The following CFAP54 variants were observed in gnomAD, a reference collection of about 807,000 sequenced individuals.
CFAP54 encodes cilia and flagella associated protein 54.
CFAP54 carries 290 observed loss-of-function variants against 370.4 expected under a neutral mutation model. That is an observed-to-expected ratio of 0.78 (90% CI 0.71 to 0.86). The LOEUF is 0.86. Among genes scored for constraint, CFAP54 ranks in the 40% least tolerant of loss-of-function variants. CFAP54 has a pLI of 0.00. For missense variants in CFAP54, 3,399 were observed against 3,528.7 expected (o/e 0.96, Z 0.93); for synonymous variants, 1,206 against 1,236.5 (o/e 0.98, Z 0.52).
In CFAP54 at chr12:96,632,697, G is replaced by T. The variant is rs11615366; in HGVS notation, c.4316+2046G>T. Among the ~76,000 whole-genome samples, 875 of 151,974 alleles carry T rather than the reference G, an allele frequency of 5.8e-3. 4 individuals carry two copies. The highest frequency in any genetic ancestry group is 0.02 in the Middle Eastern group (6 of 294). ...TTTCTCCAGAATATTCTTTTCCTTC[G>T]TGCAAGTCTTGGGAGTCTTGGGTAT... On this transcript the variant is annotated intron_variant, in intron 32 of 67. Coordinates refer to ENST00000524981, the MANE Select transcript of CFAP54 (RefSeq NM_001306084.2).
At chr12:96,500,297 G>A (rs1442822666) in intron 1 of CFAP54, among the ~76,000 whole-genome samples, 1 of 152,172 alleles carries the variant, frequency 6.6e-6, no homozygotes, top group East Asian at 1.9e-4. Context: ...GAGATTAAGC[G>A]GGAAAGGAGG....
chr12:96,829,844 A>T (rs1229820613), intron 66 of CFAP54, among the ~76,000 whole-genome samples: 2 of 152,048 alleles, frequency 1.3e-5, no homozygotes, highest in Non-Finnish European at 2.9e-5. Context: ...CCAAATAGAA[A>T]CTTTATATCC....
Position 96,694,234 on chromosome 12 carries a change from C to CA in CFAP54, c.6351+432dup, listed in dbSNP as rs1294046400. ...ACAAGATCAGATAGATGCTAAATTA[C>CA]AAAAAATCTTATAATCCAGAAGTCA... On this transcript the variant is annotated intron_variant, in intron 45 of 67. Transcript: ENST00000524981. Among the ~76,000 whole-genome samples, 4 of 152,232 alleles carry CA rather than the reference C, an allele frequency of 2.6e-5. 1 individual carries two copies. The highest frequency in any genetic ancestry group is 6.8e-3 in the Middle Eastern group (2 of 294).
chr12:96,832,932 G>A (rs1311265151), intron 66 of CFAP54, among the ~76,000 whole-genome samples: 1 of 152,192 alleles, frequency 6.6e-6, no homozygotes, highest in East Asian at 1.9e-4. Flanking sequence ...GAAATTACAT[G>A]CCTTCATGGA....
chr12:96,851,559 C>G (rs994495489), intron 66 of CFAP54, among the ~76,000 whole-genome samples: 1 of 151,842 alleles, frequency 6.6e-6, no homozygotes, highest in Non-Finnish European at 1.5e-5. Flanking sequence ...CAAACCCAAG[C>G]GTTTTTAGAA....
At chr12:96,585,844 G>T (rs546837799) in intron 22 of CFAP54, among the ~76,000 whole-genome samples, 11 of 152,120 alleles carry the variant, frequency 7.2e-5, no homozygotes, top group Admixed American at 3.9e-4. Flanking sequence ...TCATGTGCCT[G>T]CCAAGCTTTC....
At chr12:96,826,825 T>C (rs1216066923) in intron 65 of CFAP54, among the ~76,000 whole-genome samples, 1 of 113,758 alleles carries the variant, frequency 8.8e-6, no homozygotes, top group Non-Finnish European at 1.6e-5. Context: ...ATTAATATAT[T>C]ATATAATATA....
rs192474693 is a variant in CFAP54, at chr12:96,734,842, A to G, written c.6966-5114A>G. On this transcript the variant is annotated intron_variant, in intron 50 of 67. Coordinates refer to ENST00000524981, the MANE Select transcript of CFAP54 (RefSeq NM_001306084.2). ...ATATTTTAATTTTTATAAGTACAAT[A>G]ACAACAAAAACCATTACACCAACCA... Among the ~76,000 whole-genome samples, 230 of 152,328 alleles carry G rather than the reference A, an allele frequency of 1.5e-3. 1 individual carries two copies. In the Middle Eastern group the frequency reaches 0.017, roughly 11 times the overall value.
At chr12:96,557,126 T>G (rs1227955929) in intron 17 of CFAP54, among the ~76,000 whole-genome samples, 1 of 148,752 alleles carries the variant, frequency 6.7e-6, no homozygotes, top group Non-Finnish European at 1.5e-5. Context: ...GGAGAACTTG[T>G]TTCCTTGTCT....
intron 29 of CFAP54, among the ~76,000 whole-genome samples, chr12:96,626,366 A>G (rs907910968): frequency 3.3e-5 from 5 of 151,844 alleles, no homozygotes; most frequent in East Asian, 3.9e-4. Context: ...AGCCTGGGCG[A>G]CAGAGTGAGA....
At chr12:96,740,714 T>C (rs551169321) in intron 51 of CFAP54, among the ~76,000 whole-genome samples, 9 of 152,314 alleles carry the variant, frequency 5.9e-5, no homozygotes, top group African/African-American at 2.2e-4. Context: ...CTTACTATAT[T>C]GAAAGCAATA....
intron 1 of CFAP54, among the ~76,000 whole-genome samples, chr12:96,494,788 G>A (rs761941055): frequency 1.1e-4 from 16 of 151,732 alleles, no homozygotes; most frequent in Middle Eastern, 3.4e-3. Context: ...GTGCAATGAC[G>A]CAATCTCGGC....
chr12:96,766,863 C>T (rs1270743605), intron 60 of CFAP54, among the ~76,000 whole-genome samples: 2 of 152,180 alleles, frequency 1.3e-5, no homozygotes, highest in African/African-American at 4.8e-5. Flanking sequence ...CCCTAAAACT[C>T]AGTGGCCTAC....
chr12:96,791,843 T>C (rs1592763832), intron 62 of CFAP54, among the ~76,000 whole-genome samples: 1 of 150,786 alleles, frequency 6.6e-6, no homozygotes, highest in Non-Finnish European at 1.5e-5. Context: ...TCTGAAGCAT[T>C]TTTTTTTCTT....
rs192547605 is a variant in CFAP54 at position 96,789,285 on chromosome 12, A to G, written c.8679+2387A>G. ...TTCAGCAATCGAGTAACACTCCCCC[A>G]TGGGAAGGAGTGAGTGAGGACGTGA... On this transcript the variant is annotated intron_variant, in intron 62 of 67. Transcript: ENST00000524981. 4.0e-3 allele frequency among the ~76,000 whole-genome samples: 607 copies of G among 152,296 alleles called. 1 individual carries two copies. The highest frequency in any genetic ancestry group is 6.5e-3 in the Non-Finnish European group (445 of 68,018).
rs1231858973 is a variant in CFAP54, at chr12:96,784,871, T to C, written c.8436T>C (p.Asn2812=). 3 of 1,522,732 alleles carry C rather than the reference T, an allele frequency of 2.0e-6. No individual in the cohort carries two copies. The highest frequency in any genetic ancestry group is 2.6e-6 in the Non-Finnish European group (3 of 1,140,672). The allele number at this position is 1,522,732 out of a possible 1,614,324, so 94.3% of individuals were successfully genotyped here. A position where few individuals can be genotyped will look rare whatever the true frequency, so the allele number is the denominator to read the frequency against. The change falls in exon 61 of 68, where the codon AAT becomes AAC. Residue 2812 remains asparagine (N), a synonymous_variant. Transcript: ENST00000524981. The part of the protein sequence containing the change: ...LRYYIHLQRI[N]NLSKLLASAT... ...ACTATATTCACCTTCAGAGGATTAA[T>C]AATCTGAGCAAACTGCTAGGTAGGT...
chr12:96,682,601 C>T (rs1031594867), intron 40 of CFAP54, among the ~76,000 whole-genome samples: 4 of 152,134 alleles, frequency 2.6e-5, no homozygotes, highest in Non-Finnish European at 5.9e-5. Flanking sequence ...ATCTTGAACT[C>T]TTGGGCTCAA....
intron 32 of CFAP54, among the ~76,000 whole-genome samples, chr12:96,637,395 C>T (rs11108599): frequency 1.3e-5 from 2 of 152,172 alleles, no homozygotes; most frequent in Non-Finnish European, 2.9e-5. Context: ...ATTTTCATTT[C>T]TCTTGGGTAC....
chr12:96,713,186 T>C (rs971255690), intron 48 of CFAP54, among the ~76,000 whole-genome samples: 9 of 152,182 alleles, frequency 5.9e-5, no homozygotes, highest in Non-Finnish European at 1.0e-4. Flanking sequence ...CTTTTCTGTA[T>C]ATCCAAAAGA....
Sources: allele counts gnomAD v4.1 joint callset (sites outside exome capture counted in the v4.1 genomes callset), GRCh38; gene constraint gnomAD v4.1.1; transcripts MANE v1.5; gene names NCBI Gene and HGNC (gene_info 2026-07-23, HGNC 2026-07-21).